The following WNK2 variants were observed in gnomAD, a reference collection of about 807,000 sequenced individuals.
WNK2 encodes the protein WNK lysine deficient protein kinase 2.
WNK2 carries 67 observed loss-of-function variants against 192.1 expected under a neutral mutation model. The ratio of observed to expected loss-of-function variants is 0.35; its 90% CI spans 0.29 to 0.43. The LOEUF is 0.43. Among genes scored for constraint, WNK2 ranks in the 20% least tolerant of loss-of-function variants. The pLI is 1.00. For synonymous variants in WNK2, 1,439 were observed against 1,393.9 expected, an observed-to-expected ratio of 1.03 and a Z score of -0.72; for missense variants, 2,698 against 3,089.7, an observed-to-expected ratio of 0.87 and a Z score of 3.01.
At chr9:93,262,522 C>T (rs1844449531) in intron 13 of WNK2, 148 bp from the exon 14 acceptor site, 1 of 835,980 alleles carries the variant, frequency 1.2e-6, no homozygotes, top group Non-Finnish European at 1.9e-6. Flanking sequence ...TGGGTCGTAC[C>T]CACCTGGCTG....
chr9:93,200,260 G>A (rs1474257049), intron 2 of WNK2, among the ~76,000 whole-genome samples: 1 of 152,220 alleles, frequency 6.6e-6, no homozygotes, highest in African/African-American at 2.4e-5. Context: ...TGAGCCAGAG[G>A]TCCAGGGCAG....
At chr9:93,285,801 G>A (rs755959586) in intron 19 of WNK2, among the ~76,000 whole-genome samples, 8 of 152,194 alleles carry the variant, frequency 5.3e-5, no homozygotes, top group Non-Finnish European at 1.0e-4. Context: ...TAAACCTGGA[G>A]TCACAGAGAC....
chr9:93,255,787 A>T (rs1430976761), intron 9 of WNK2, among the ~76,000 whole-genome samples: 1 of 152,164 alleles, frequency 6.6e-6, no homozygotes, highest in African/African-American at 2.4e-5. Flanking sequence ...CAACAAATTA[A>T]CAAATTCGCA....
rs1340759674 is a variant in WNK2, at chr9:93,247,341, G to A, written c.1543-202G>A. Among the ~76,000 whole-genome samples the A allele has an allele frequency of 6.6e-6, 1 of 152,230 alleles. No homozygotes were observed. Among genetic ancestry groups the A allele is most frequent in the Non-Finnish European group, 1.5e-5 (1 of 68,050 alleles). On this transcript the variant is annotated intron_variant, in intron 7 of 29. Transcript: ENST00000427277. This position sits in a 1 kb window ranked among gnomAD's most constrained non-coding sequence, Gnocchi z 5.2. Reference sequence around the variant, plus strand: ...GCGGGATGCAGGTCAGGCCTGCGTGGTGGTGGTCTTTCTTTGCCTTGCCTG... The same window carrying A: ...GCGGGATGCAGGTCAGGCCTGCGTGATGGTGGTCTTTCTTTGCCTTGCCTG...
intron 2 of WNK2, 131 bp downstream of exon 2, chr9:93,185,741 C>T: frequency 9.3e-7 from 1 of 1,078,206 alleles, no homozygotes. Flanking sequence ...GTGTCACCCT[C>T]TGTGTGGATG....
intron 23 of WNK2, among the ~76,000 whole-genome samples, chr9:93,294,944 T>G (rs558346283): frequency 2.6e-5 from 4 of 152,142 alleles, no homozygotes; most frequent in Non-Finnish European, 5.9e-5. Flanking sequence ...TGAGGTGACT[T>G]GGCATCTGAT....
chr9:93,188,205 C>T (rs1252548012), intron 2 of WNK2, among the ~76,000 whole-genome samples: 4 of 152,200 alleles, frequency 2.6e-5, no homozygotes, highest in African/African-American at 9.7e-5. Context: ...TGTCCAGGTG[C>T]CTGGGCTGTG....
In WNK2 at chr9:93,234,836, G is replaced by C; in HGVS notation, c.1104G>C (p.Met368Ile). ...CTCCCGAGTTCATGGCGCCCGAGAT[G>C]TACGAGGAGCACTACGATGAGTCCG... ...IGTPEFMAPE[M>I]YEEHYDESVD... Residue 368 changes from methionine to isoleucine, a missense_variant, in exon 5 of 30, where the codon ATG becomes ATC. Physicochemically the swap from Met to Ile is conservative, Grantham distance 10. Around this residue, in one of 7 missense-constraint regions of WNK2, gnomAD observed 230 missense variants for 501.1 expected, o/e 0.46. Coordinates refer to ENST00000427277, the MANE Select transcript of WNK2 (RefSeq NM_006648.4). The C allele has an allele frequency of 6.2e-7, 1 of 1,614,114 alleles. No homozygotes were observed. The highest frequency in any genetic ancestry group is 8.5e-7 in the Non-Finnish European group (1 of 1,179,938).
intron 5 of WNK2, among the ~76,000 whole-genome samples, chr9:93,235,588 A>C (rs1839676149): frequency 6.6e-6 from 1 of 152,142 alleles, no homozygotes; most frequent in African/African-American, 2.4e-5. Context: ...GGGTGGAGGG[A>C]ATGCAAACAG....
In WNK2 at chr9:93,229,803, C is replaced by A; in HGVS notation, c.789C>A (p.Ser263=). ...NIVRFYDFWE[S]SAKGKRCIVL... The stretch of plus-strand genomic sequence containing the variant: ...TGCGCTTCTACGACTTCTGGGAGTC[C>A]AGCGCCAAGGGCAAGCGGTGCATTG... The change falls in exon 3 of 30, where the codon TCC becomes TCA. Residue 263 remains serine, a synonymous_variant. Transcript: ENST00000427277. The surrounding 1 kb of genome is among the most constrained non-coding windows in gnomAD (Gnocchi z 4.9). The A allele has an allele frequency of 1.2e-6, 2 of 1,613,980 alleles. No individual in the cohort carries two copies. Among genetic ancestry groups the A allele is most frequent in the Non-Finnish European group, 1.7e-6 (2 of 1,179,882 alleles).
Position 93,256,394 on chromosome 9 carries a change from G to A in WNK2, c.2130G>A (p.Leu710=). Residue 710 remains leucine, a synonymous_variant, in exon 10 of 30, where the codon CTG becomes CTA. Transcript: ENST00000427277. ...CGGCCATGAGCTTCGCCCCCGTGCTGCCGCCGCCCAGCACCCCCATGCCCA... is the reference window on the plus strand; with the variant it reads ...CGGCCATGAGCTTCGCCCCCGTGCTACCGCCGCCCAGCACCCCCATGCCCA... The part of the protein sequence containing the change: ...PDPAMSFAPV[L]PPPSTPMPTG... 1 of 1,553,736 alleles carries A rather than the reference G, an allele frequency of 6.4e-7. No individual in the cohort carries two copies.
intron 2 of WNK2, among the ~76,000 whole-genome samples, chr9:93,207,377 C>T (rs939670521): frequency 6.6e-6 from 1 of 152,202 alleles, no homozygotes; most frequent in African/African-American, 2.4e-5. Context: ...CCCCTACAGG[C>T]AGCAGACCTT....
intron 2 of WNK2, among the ~76,000 whole-genome samples, chr9:93,191,553 T>A (rs1233227128): frequency 6.6e-6 from 1 of 151,832 alleles, no homozygotes. Flanking sequence ...TCTGGCCACC[T>A]TGGGGACAGT....
chr9:93,319,478 T>G, intron 29 of WNK2: 1 of 926,970 alleles, frequency 1.1e-6, no homozygotes, highest in Non-Finnish European at 1.3e-6. Flanking sequence ...CTGGTCGGGT[T>G]AGCTGGCTGG....
At position 93,259,228 on chromosome 9, in the gene WNK2, G is replaced by A. The variant is rs746654332; in HGVS notation, c.2680G>A (p.Val894Met). ...CCTGCTGGCCGTAGCCCCACCGGGC[G>A]TGGCTGCCCTGTCCATTCATTCTGC... ...IPLLAVAPPGVAALSIHSAVA... is the reference protein window; with the variant it reads ...IPLLAVAPPGMAALSIHSAVA... Residue 894 changes from valine to methionine, a missense_variant, in exon 12 of 30, where the codon GTG (valine) becomes ATG (methionine). Val to Met is a conservative substitution (Grantham distance 21). This residue lies in a region of WNK2 where 893 missense variants were observed against 909.0 expected (regional missense o/e 0.98). Coordinates refer to ENST00000427277, the MANE Select transcript of WNK2 (RefSeq NM_006648.4). The surrounding 1 kb of genome is among the most constrained non-coding windows in gnomAD (Gnocchi z 4.8). The A allele has an allele frequency of 2.2e-5, 35 of 1,613,078 alleles. 1 individual carries two copies. The East Asian group carries it at 2.2e-4, about 10-fold the overall frequency.
At chr9:93,314,260 C>T (rs1275156049) in intron 28 of WNK2, among the ~76,000 whole-genome samples, 2 of 151,088 alleles carry the variant, frequency 1.3e-5, no homozygotes, top group South Asian at 2.1e-4. Flanking sequence ...CCAGCCTGGG[C>T]GACAAGAGCA....
intron 2 of WNK2, among the ~76,000 whole-genome samples, chr9:93,215,476 A>G (rs1222386329): frequency 6.6e-6 from 1 of 152,106 alleles, no homozygotes; most frequent in Non-Finnish European, 1.5e-5. Context: ...CCATTTACAC[A>G]TAGGTTGGAC....
intron 19 of WNK2, among the ~76,000 whole-genome samples, chr9:93,287,486 C>T (rs942740080): frequency 4.6e-5 from 7 of 152,148 alleles, no homozygotes; most frequent in Admixed American, 1.3e-4. Flanking sequence ...CTCACAAACA[C>T]GGTGAGAGAG....
At chr9:93,230,760 G>C (rs1456282770) in intron 3 of WNK2, 128 bp from the exon 4 acceptor site, 1 of 869,850 alleles carries the variant, frequency 1.1e-6, no homozygotes, top group Non-Finnish European at 1.7e-6. Flanking sequence ...TTCACTACCT[G>C]TCACGGGTAT....
Sources: gnomAD v4.1 joint callset for allele counts (sites outside exome capture counted in the v4.1 genomes callset) on GRCh38, gnomAD v4.1.1 for gene constraint, gnomAD v4.1.1 regional missense constraint, Gnocchi (gnomAD v3.1) non-coding constraint, MANE v1.5 for transcripts, NCBI Gene and HGNC (gene_info 2026-07-23, HGNC 2026-07-21) for gene names.